The following CCDC178 variants were observed in gnomAD, a reference collection of about 807,000 sequenced individuals.
CCDC178 encodes coiled-coil domain containing 178, also known as coiled-coil domain-containing protein 178.
CCDC178 carries 126 observed loss-of-function variants against 117.4 expected under a neutral mutation model. The observed-to-expected ratio is 1.07, with a 90% CI of 0.93 to 1.24. CCDC178 has a LOEUF of 1.24. Ranked by LOEUF, CCDC178 falls within the 50% of genes most tolerant of loss-of-function variation. CCDC178 has a pLI of 0.00. For missense variants in CCDC178, 1,030 were observed against 986.9 expected, an observed-to-expected ratio of 1.04 and a Z score of -0.59; for synonymous variants, 283 against 313.4, an observed-to-expected ratio of 0.90 and a Z score of 1.02.
chr18:33,054,347 T>C (rs1598832803), intron 21 of CCDC178, among the ~76,000 whole-genome samples: 1 of 152,256 alleles, frequency 6.6e-6, no homozygotes. Flanking sequence ...GCCATGGTGG[T>C]TTCTTGCACA....
rs1240873657 is a variant in CCDC178 at position 32,974,560 on chromosome 18, A to G, written c.2510T>C (p.Ile837Thr). Residue 837 changes from isoleucine to threonine, a missense_variant, in exon 22 of 23, where the codon ATA (isoleucine) becomes ACA (threonine). Ile to Thr is a moderately conservative substitution (Grantham distance 89). Coordinates refer to ENST00000383096, the MANE Select transcript of CCDC178 (RefSeq NM_001105528.4). ...QTDSQESIQKILAVQEESSNL... is the reference protein window; with the variant it reads ...QTDSQESIQKTLAVQEESSNL... ...GCAATCACCTACCTGCACAGCTAAT[A>G]TTTTCTGAATACTCTCCTGAGAGTC... 1 of 1,613,416 alleles carries G rather than the reference A, an allele frequency of 6.2e-7. No homozygotes were observed. The highest frequency in any genetic ancestry group is 8.5e-7 in the Non-Finnish European group (1 of 1,179,728).
At chr18:33,126,608 T>C (rs1214709890) in intron 20 of CCDC178, among the ~76,000 whole-genome samples, 5 of 151,862 alleles carry the variant, frequency 3.3e-5, no homozygotes. Flanking sequence ...GAAAAGTTGG[T>C]CCTCCTGTAT....
chr18:33,362,446 A>C (rs2063143997), intron 6 of CCDC178, among the ~76,000 whole-genome samples: 1 of 151,882 alleles, frequency 6.6e-6, no homozygotes, highest in African/African-American at 2.4e-5. Context: ...GATACAAAGC[A>C]GCAGATATGG....
At chr18:33,349,244 T>C (rs1457142296) in intron 7 of CCDC178, among the ~76,000 whole-genome samples, 1 of 151,898 alleles carries the variant, frequency 6.6e-6, no homozygotes, top group Non-Finnish European at 1.5e-5. Flanking sequence ...AAGAAATTGG[T>C]CATTCCTAGA....
intron 4 of CCDC178, among the ~76,000 whole-genome samples, chr18:33,389,888 G>T (rs1423844119): frequency 6.6e-6 from 1 of 151,624 alleles, no homozygotes; most frequent in Non-Finnish European, 1.5e-5. Flanking sequence ...AAGTTATTAT[G>T]TGTTGATATA....
chr18:33,284,461 G>A (rs911349377), intron 12 of CCDC178, among the ~76,000 whole-genome samples: 1 of 152,096 alleles, frequency 6.6e-6, no homozygotes, highest in South Asian at 2.1e-4. Flanking sequence ...AAGTTTTTAT[G>A]TCATGAAAGA....
intron 21 of CCDC178, among the ~76,000 whole-genome samples, chr18:32,997,708 GTCTA>G (rs1284157372): frequency 6.6e-5 from 10 of 151,210 alleles, no homozygotes; most frequent in Admixed American, 2.0e-4. Context: ...CTATCTATTC[GTCTA>G]TCTATCTGTC....
intron 21 of CCDC178, among the ~76,000 whole-genome samples, chr18:33,019,904 TTAAC>T (rs894719658): frequency 2.1e-5 from 3 of 140,232 alleles, no homozygotes; most frequent in Non-Finnish European, 3.0e-5. Flanking sequence ...CATGATCCTC[TTAAC>T]TGAGATATTA....
At chr18:32,947,232 G>T (rs2054377653) in intron 22 of CCDC178, among the ~76,000 whole-genome samples, 1 of 152,202 alleles carries the variant, frequency 6.6e-6, no homozygotes. Flanking sequence ...ACAACAAGAT[G>T]TGTAATGGCC....
chr18:33,136,195 G>T (rs2144274777), intron 20 of CCDC178: 1 of 152,316 alleles, frequency 6.6e-6, no homozygotes. Context: ...GCAGAGAACT[G>T]ACCTACTGTA....
intron 14 of CCDC178, among the ~76,000 whole-genome samples, chr18:33,261,274 G>A (rs1318431920): frequency 3.3e-5 from 5 of 152,128 alleles, no homozygotes; most frequent in African/African-American, 7.2e-5. Flanking sequence ...TAGTAGAGAC[G>A]GGGTTTCACC....
intron 20 of CCDC178, among the ~76,000 whole-genome samples, chr18:33,160,437 T>G (rs1322790194): frequency 2.0e-5 from 3 of 152,126 alleles, no homozygotes; most frequent in Non-Finnish European, 4.4e-5. Flanking sequence ...GTATTATTTA[T>G]TTTATCTTGT....
At chr18:33,345,169 T>A (rs2062873596) in intron 9 of CCDC178, among the ~76,000 whole-genome samples, 1 of 152,140 alleles carries the variant, frequency 6.6e-6, no homozygotes, top group Non-Finnish European at 1.5e-5. Flanking sequence ...AGATCATATA[T>A]GGGCACCCTA....
chr18:33,280,751 C>T (rs1254471939), intron 12 of CCDC178, among the ~76,000 whole-genome samples: 1 of 152,152 alleles, frequency 6.6e-6, no homozygotes, highest in Non-Finnish European at 1.5e-5. Context: ...GGCACATATA[C>T]ATGATGGAAT....
intron 21 of CCDC178, among the ~76,000 whole-genome samples, chr18:33,022,425 A>G (rs909746932): frequency 4.6e-5 from 7 of 152,192 alleles, no homozygotes; most frequent in Non-Finnish European, 7.4e-5. Context: ...TGTGGTTCTA[A>G]ATGTGTTTAG....
chr18:33,248,164 C>G (rs1470817357), intron 14 of CCDC178, among the ~76,000 whole-genome samples: 1 of 151,744 alleles, frequency 6.6e-6, no homozygotes, highest in Non-Finnish European at 1.5e-5. Flanking sequence ...CAAATCTAAG[C>G]AAAAATAAAT....
Position 32,994,037 on chromosome 18 carries a change from G to A in CCDC178, c.2389-19356C>T, listed in dbSNP as rs930302291. Reference sequence around the variant, plus strand: ...CTGAGGCATCACCCCACCCCAAGCAGAAAGAAAATGCTTCCTCCTCCATGA... The same window carrying A: ...CTGAGGCATCACCCCACCCCAAGCAAAAAGAAAATGCTTCCTCCTCCATGA... On this transcript the variant is annotated intron_variant, in intron 21 of 22. Coordinates refer to ENST00000383096, the MANE Select transcript of CCDC178 (RefSeq NM_001105528.4). Among the ~76,000 whole-genome samples the A allele has an allele frequency of 9.2e-5, 14 of 152,042 alleles. No individual in the cohort carries two copies. In the South Asian group the frequency reaches 2.9e-3, roughly 32 times the overall value.
intron 5 of CCDC178, among the ~76,000 whole-genome samples, chr18:33,387,217 C>A (rs921298839): frequency 3.3e-5 from 5 of 152,060 alleles, no homozygotes; most frequent in South Asian, 2.1e-4. Context: ...AGGATACAAG[C>A]AGATGGAAAA....
intron 10 of CCDC178, among the ~76,000 whole-genome samples, chr18:33,328,855 T>G (rs1013593989): frequency 1.3e-5 from 2 of 152,154 alleles, no homozygotes; most frequent in Non-Finnish European, 2.9e-5. Flanking sequence ...TGAGCTTTTG[T>G]TCTGGATTGC....
Sources: gnomAD v4.1 joint callset for allele counts (sites outside exome capture counted in the v4.1 genomes callset) on GRCh38, gnomAD v4.1.1 for gene constraint, MANE v1.5 for transcripts, NCBI Gene and HGNC (gene_info 2026-07-23, HGNC 2026-07-21) for gene names.